The following VDAC1 variants were observed in gnomAD, a reference collection of about 807,000 sequenced individuals.
The protein encoded by VDAC1 is voltage dependent anion channel 1.
A neutral mutation model predicts 34.7 loss-of-function variants in VDAC1; 10 were observed. The ratio of observed to expected loss-of-function variants is 0.29; its 90% confidence interval spans 0.18 to 0.49. VDAC1 has a LOEUF of 0.49. VDAC1 is among the 20% of genes least tolerant of loss of function. The pLI, the probability that VDAC1 is intolerant of heterozygous loss-of-function variation, is 0.99. For synonymous variants in VDAC1, 130 were observed against 136.0 expected (o/e 0.96, Z 0.30); for missense variants, 230 against 347.9 (o/e 0.66, Z 2.69).
At chr5:133,980,353 C>A (rs1295918277) in intron 6 of VDAC1, among the ~76,000 whole-genome samples, 1 of 152,166 alleles carries the variant, frequency 6.6e-6, no homozygotes, top group African/African-American at 2.4e-5. Context: ...TGTCATCAAG[C>A]CCAGCAGGCT....
the VDAC1 span, among the ~76,000 whole-genome samples, chr5:134,042,812 C>T: frequency 3.3e-5 from 5 of 152,124 alleles, no homozygotes; most frequent in African/African-American, 1.2e-4. Flanking sequence ...GGGAGTTCGG[C>T]CAGGCACCAT....
upstream of VDAC1, chr5:134,005,186 C>A (rs532539034): frequency 6.6e-6 from 1 of 152,322 alleles, no homozygotes; most frequent in East Asian, 1.9e-4. Flanking sequence ...GCTGCTAGAT[C>A]CCCCGGGAGT....
At chr5:134,057,289 G>A in the VDAC1 span, among the ~76,000 whole-genome samples, 1 of 152,090 alleles carries the variant, frequency 6.6e-6, no homozygotes, top group Admixed American at 6.6e-5. Flanking sequence ...AGACCAGCCT[G>A]GCCAATATGG....
At chr5:134,105,435 G>A in the VDAC1 span, among the ~76,000 whole-genome samples, 14 of 152,326 alleles carry the variant, frequency 9.2e-5, no homozygotes, top group East Asian at 2.1e-3. Flanking sequence ...CAGTTTCCAC[G>A]TCTGTAAAAT....
the VDAC1 span, among the ~76,000 whole-genome samples, chr5:134,080,580 G>C: frequency 6.6e-6 from 1 of 152,236 alleles, no homozygotes; most frequent in African/African-American, 2.4e-5. Flanking sequence ...AGCAGGTTAA[G>C]TCGCGGAGGT....
chr5:134,092,397 G>A, the VDAC1 span, among the ~76,000 whole-genome samples: 3 of 152,168 alleles, frequency 2.0e-5, no homozygotes, highest in Non-Finnish European at 2.9e-5. Flanking sequence ...CCCTATTTTG[G>A]AGAGGGAGGT....
the VDAC1 span, among the ~76,000 whole-genome samples, chr5:134,045,131 TG>T: frequency 6.6e-6 from 1 of 152,076 alleles, no homozygotes. Flanking sequence ...GCTCCTTCCA[TG>T]GGGGAGGAAG....
the VDAC1 span, among the ~76,000 whole-genome samples, chr5:134,020,720 A>T: frequency 1.3e-5 from 2 of 152,056 alleles, no homozygotes; most frequent in Admixed American, 6.6e-5. Context: ...TCAGTCACCC[A>T]GGCTGGAGTG....
intron 6 of VDAC1, among the ~76,000 whole-genome samples, chr5:133,976,649 A>G (rs1417249981): frequency 6.9e-6 from 1 of 144,774 alleles, no homozygotes; most frequent in South Asian, 2.3e-4. Flanking sequence ...CTCTATAAGG[A>G]AAAAAAAAAA....
the VDAC1 span, among the ~76,000 whole-genome samples, chr5:134,107,162 C>T: frequency 6.6e-5 from 10 of 152,348 alleles, no homozygotes; most frequent in African/African-American, 2.2e-4. Flanking sequence ...TGGTCAGATG[C>T]CTGCAGTAGG....
the VDAC1 span, among the ~76,000 whole-genome samples, chr5:134,108,419 G>C: frequency 2.0e-5 from 3 of 152,170 alleles, no homozygotes; most frequent in African/African-American, 7.2e-5. Flanking sequence ...CGGGAGGCCT[G>C]GTTAGAGCTG....
the VDAC1 span, among the ~76,000 whole-genome samples, chr5:134,114,483 G>C: frequency 6.6e-6 from 1 of 152,144 alleles, no homozygotes; most frequent in Admixed American, 6.5e-5. Context: ...GTTCCCGTTA[G>C]AGTCTCTGCG....
the VDAC1 span, among the ~76,000 whole-genome samples, chr5:134,056,574 G>C: frequency 6.6e-6 from 1 of 152,024 alleles, no homozygotes; most frequent in African/African-American, 2.4e-5. Context: ...CGAAGTGCTG[G>C]GATTACAGGC....
chr5:134,084,206 A>C, the VDAC1 span, among the ~76,000 whole-genome samples: 1 of 152,228 alleles, frequency 6.6e-6, no homozygotes, highest in Non-Finnish European at 1.5e-5. Flanking sequence ...ATCCCAAGAA[A>C]GGAAACCTGT....
chr5:134,092,053 C>T, the VDAC1 span, among the ~76,000 whole-genome samples: 1 of 152,120 alleles, frequency 6.6e-6, no homozygotes, highest in African/African-American at 2.4e-5. Context: ...TGCCAGCAAC[C>T]CTTGAACTAA....
At chr5:134,087,594 C>T in the VDAC1 span, among the ~76,000 whole-genome samples, 1 of 152,250 alleles carries the variant, frequency 6.6e-6, no homozygotes, top group Non-Finnish European at 1.5e-5. Flanking sequence ...GTGGCTCACG[C>T]CTGTAATCCC....
At chr5:134,080,219 C>T in the VDAC1 span, among the ~76,000 whole-genome samples, 19 of 152,350 alleles carry the variant, frequency 1.2e-4, no homozygotes, top group Non-Finnish European at 2.1e-4. Context: ...CTCACATGTC[C>T]GGTGGCCACT....
At chr5:134,011,023 A>G in the VDAC1 span, among the ~76,000 whole-genome samples, 1 of 150,230 alleles carries the variant, frequency 6.7e-6, no homozygotes, top group Non-Finnish European at 1.5e-5. Flanking sequence ...AAATCTAAGT[A>G]TACAGTGCAG....
the VDAC1 span, among the ~76,000 whole-genome samples, chr5:134,054,262 G>A: frequency 6.6e-6 from 1 of 152,074 alleles, no homozygotes; most frequent in Non-Finnish European, 1.5e-5. Context: ...TGGCTAGGGC[G>A]GGGCTGCCCT....
Sources: allele counts gnomAD v4.1 joint callset (sites outside exome capture counted in the v4.1 genomes callset), GRCh38; gene constraint gnomAD v4.1.1; transcripts MANE v1.5; gene names NCBI Gene and HGNC (gene_info 2026-07-23, HGNC 2026-07-21).